Variants in EHBP1 observed in about 807,000 individuals in gnomAD.
EHBP1 encodes EH domain binding protein 1.
EHBP1 carries 55 observed loss-of-function variants against 144.0 expected under a neutral mutation model. The ratio of observed to expected loss-of-function variants is 0.38; its 90% confidence interval spans 0.31 to 0.48. The LOEUF (loss-of-function observed/expected upper bound fraction) is 0.48, where lower values mean the gene tolerates loss of function less well. Among genes scored for constraint, EHBP1 ranks in the 20% least tolerant of loss-of-function variants. The pLI is 0.98. For missense variants in EHBP1, 1,200 were observed against 1,364.2 expected (o/e 0.88, Z 1.90); for synonymous variants, 469 against 472.7 (o/e 0.99, Z 0.10).
chr2:62,805,303 T>C (rs1191575071), intron 5 of EHBP1, among the ~76,000 whole-genome samples: 1 of 152,086 alleles, frequency 6.6e-6, no homozygotes, highest in Non-Finnish European at 1.5e-5. Flanking sequence ...TACAGAACTA[T>C]ATTTATTATA....
rs1285339000 is a variant in EHBP1 at position 62,749,003 on chromosome 2, CT to C, written c.162+1555del. Among the ~76,000 whole-genome samples the C allele has an allele frequency of 5.0e-4, 76 of 151,934 alleles. 1 individual carries two copies. Among genetic ancestry groups the C allele is most frequent in the South Asian group, 2.3e-3 (11 of 4,824 alleles). ...CTTTTTTCTTTTTTATTTTATTATACTTTTAAGTTCTAGGGTACATGTGCAC... is the reference window on the plus strand; with the variant it reads ...CTTTTTTCTTTTTTATTTTATTATACTTTAAGTTCTAGGGTACATGTGCAC... On this transcript the variant is annotated intron_variant, in intron 3 of 22. Transcript: ENST00000431489.
chr2:62,712,109 G>A (rs1479602816), intron 2 of EHBP1, among the ~76,000 whole-genome samples: 1 of 152,182 alleles, frequency 6.6e-6, no homozygotes, highest in Admixed American at 6.5e-5. Context: ...TGTGGTGGGA[G>A]AGGAGGTAAC....
chr2:62,918,895 T>C (rs2054848677), intron 10 of EHBP1, among the ~76,000 whole-genome samples: 1 of 152,150 alleles, frequency 6.6e-6, no homozygotes. Context: ...ACATTTGCAC[T>C]GGCAGAATCT....
rs116726520 is a variant in EHBP1, at chr2:62,855,759, C to A, written c.635-3410C>A. 2.5e-3 allele frequency among the ~76,000 whole-genome samples: 380 copies of A among 152,242 alleles called. 1 individual carries two copies. The highest frequency in any genetic ancestry group is 8.6e-3 in the African/African-American group (359 of 41,540). ...CTACTTGCCTGCAGAGAGAAGCAAC[C>A]CACTCCAGGACCTCTACTCTGCTGA... On this transcript the variant is annotated intron_variant, in intron 7 of 22. Transcript: ENST00000431489.
chr2:63,045,226 G>T lies in EHBP1; in HGVS notation c.3392+46G>T. 2.0e-6 allele frequency: 3 copies of T among 1,516,422 alleles called. No homozygotes were observed. In the East Asian group the frequency reaches 7.3e-5, roughly 37 times the overall value. The allele number at this position is 1,516,422 out of a possible 1,614,324, so 93.9% of individuals were successfully genotyped here. A position where few individuals can be genotyped will look rare whatever the true frequency, so the allele number is the denominator to read the frequency against. On this transcript the variant is annotated intron_variant, in intron 22 of 22. Transcript: ENST00000431489. The surrounding 1 kb of genome is among the most constrained non-coding windows in gnomAD (Gnocchi z 5.7). The stretch of plus-strand genomic sequence containing the variant: ...GGTCGAGGCTGGGCCACCTGCCGAG[G>T]GGCCGAGAAGTGTGCGGAAAGTTCA...
At position 62,795,589 on chromosome 2, in the gene EHBP1, C is replaced by T. The variant is rs142470654; in HGVS notation, c.312+24197C>T. Among the ~76,000 whole-genome samples the T allele has an allele frequency of 2.6e-3, 390 of 152,162 alleles. 1 individual carries two copies. The highest frequency in any genetic ancestry group is 8.8e-3 in the African/African-American group (365 of 41,542). On this transcript the variant is annotated intron_variant, in intron 5 of 22. Transcript: ENST00000431489. ...CTCTAAAACTGGCTTTACTCTCATGCTCTTCACTGTCTATGCTTGCTCTCT... is the reference window on the plus strand; with the variant it reads ...CTCTAAAACTGGCTTTACTCTCATGTTCTTCACTGTCTATGCTTGCTCTCT...
At chr2:62,822,386 G>C (rs1328044075) in intron 5 of EHBP1, among the ~76,000 whole-genome samples, 1 of 152,126 alleles carries the variant, frequency 6.6e-6, no homozygotes, top group Non-Finnish European at 1.5e-5. Flanking sequence ...ATTCTGCATT[G>C]AATTGTGCAG....
intron 14 of EHBP1, among the ~76,000 whole-genome samples, chr2:62,976,164 A>G (rs1264986827): frequency 6.6e-6 from 1 of 152,094 alleles, no homozygotes; most frequent in Admixed American, 6.5e-5. Flanking sequence ...GATTCAATTC[A>G]TTGCAGTCAT....
chr2:62,879,770 G>A (rs2051236389), intron 10 of EHBP1, among the ~76,000 whole-genome samples: 5 of 151,778 alleles, frequency 3.3e-5, no homozygotes, highest in Non-Finnish European at 7.4e-5. Context: ...TATTAAAATG[G>A]CCTTATTGCC....
At chr2:62,894,674 T>G (rs2052734361) in intron 10 of EHBP1, among the ~76,000 whole-genome samples, 1 of 152,192 alleles carries the variant, frequency 6.6e-6, no homozygotes, top group African/African-American at 2.4e-5. Flanking sequence ...ATATGATTGC[T>G]AAGAAATTTG....
intron 9 of EHBP1, among the ~76,000 whole-genome samples, chr2:62,871,708 A>G (rs1376458571): frequency 6.6e-6 from 1 of 152,212 alleles, no homozygotes; most frequent in Non-Finnish European, 1.5e-5. Context: ...ACATTAAACT[A>G]TCACAAATAA....
At chr2:62,843,187 T>C (rs551495660) in intron 7 of EHBP1, among the ~76,000 whole-genome samples, 1 of 152,304 alleles carries the variant, frequency 6.6e-6, no homozygotes, top group South Asian at 2.1e-4. Flanking sequence ...TAATCATTTT[T>C]TCATCTCTAG....
At chr2:62,808,560 T>G (rs7604072) in intron 5 of EHBP1, among the ~76,000 whole-genome samples, 2 of 152,352 alleles carry the variant, frequency 1.3e-5, no homozygotes, top group African/African-American at 4.8e-5. Flanking sequence ...AGCATATTAA[T>G]TATCATTTTA....
intron 5 of EHBP1, among the ~76,000 whole-genome samples, chr2:62,776,606 A>G (rs1343465673): frequency 6.6e-6 from 1 of 152,194 alleles, no homozygotes; most frequent in Non-Finnish European, 1.5e-5. Context: ...AGCAATGACA[A>G]GGCAACTTGT....
At chr2:62,779,951 T>C (rs2042314121) in intron 5 of EHBP1, among the ~76,000 whole-genome samples, 1 of 152,164 alleles carries the variant, frequency 6.6e-6, no homozygotes, top group Non-Finnish European at 1.5e-5. Context: ...TTGTTTGCTT[T>C]ACCAGATTTA....
intron 15 of EHBP1, among the ~76,000 whole-genome samples, chr2:62,987,294 AT>A (rs1349208728): frequency 6.6e-6 from 1 of 152,160 alleles, no homozygotes; most frequent in Non-Finnish European, 1.5e-5. Context: ...AGACTTTCTC[AT>A]TCCCGTATAT....
At chr2:62,924,632 T>C (rs1272950320) in intron 10 of EHBP1, among the ~76,000 whole-genome samples, 2 of 152,152 alleles carry the variant, frequency 1.3e-5, no homozygotes, top group East Asian at 3.8e-4. Context: ...CCTGGACACA[T>C]ATCTACCAAG....
At chr2:62,696,066 G>C (rs562642662) in intron 1 of EHBP1, among the ~76,000 whole-genome samples, 23 of 151,946 alleles carry the variant, frequency 1.5e-4, no homozygotes, top group African/African-American at 5.5e-4. Context: ...AAAAGAAAAC[G>C]TATCACATAA....
At chr2:63,013,900 C>T (rs1173101360) in intron 19 of EHBP1, among the ~76,000 whole-genome samples, 1 of 152,098 alleles carries the variant, frequency 6.6e-6, no homozygotes, top group Admixed American at 6.5e-5. Flanking sequence ...GATTAATTTC[C>T]ACTCCATAAT....
Sources: allele counts gnomAD v4.1 joint callset (sites outside exome capture counted in the v4.1 genomes callset), GRCh38; gene constraint gnomAD v4.1.1; non-coding constraint Gnocchi (gnomAD v3.1); transcripts MANE v1.5; gene names NCBI Gene and HGNC (gene_info 2026-07-23, HGNC 2026-07-21).